PCDHGB2: variants seen among roughly 807,000 people sequenced by gnomAD.
PCDHGB2 encodes protocadherin gamma-B2.
PCDHGB2 carries 55 observed loss-of-function variants against 59.3 expected under a neutral mutation model. The observed-to-expected ratio is 0.93, with a 90% confidence interval of 0.75 to 1.16. PCDHGB2 has a LOEUF of 1.16. PCDHGB2 is among the 50% of genes most tolerant of loss of function. The pLI, the probability that PCDHGB2 is intolerant of heterozygous loss-of-function variation, is 0.00. For missense variants in PCDHGB2, 1,228 were observed against 1,198.5 expected (o/e 1.02, Z -0.36); for synonymous variants, 516 against 512.0 (o/e 1.01, Z -0.11).
rs866190808 is a variant in PCDHGB2 at position 141,376,751 on chromosome 5, A to G, written c.2421+14195A>G. On this transcript the variant is annotated intron_variant, in intron 1 of 3. Transcript: ENST00000522605. ...CCGGACTGCGGACTGCAGTGGCGCA[A>G]TCTCGGCTCACTGCAAGCTCCGCTT... The G allele has an allele frequency of 1.3e-4, 58 of 460,324 alleles. 1 individual carries two copies. Among genetic ancestry groups the G allele is most frequent in the African/African-American group, 1.1e-3 (50 of 46,164 alleles). 28.5% of individuals were successfully genotyped at this position (460,324 alleles called of 1,614,324 possible).
intron 1 of PCDHGB2, among the ~76,000 whole-genome samples, chr5:141,444,503 T>C (rs2098438734): frequency 6.6e-6 from 1 of 152,088 alleles, no homozygotes; most frequent in Non-Finnish European, 1.5e-5. Flanking sequence ...AATACTTTGC[T>C]CTAGCAGTAT....
Position 141,491,244 on chromosome 5 carries a change from T to A in PCDHGB2, c.2422-3563T>A. 1 of 1,614,210 alleles carries A rather than the reference T, an allele frequency of 6.2e-7. No individual in the cohort carries two copies. Among genetic ancestry groups the A allele is most frequent in the Non-Finnish European group, 8.5e-7 (1 of 1,180,024 alleles). On this transcript the variant is annotated intron_variant, in intron 1 of 3. Coordinates refer to ENST00000522605, the MANE Select transcript of PCDHGB2 (RefSeq NM_018923.3). This position sits in a 1 kb window ranked among gnomAD's most constrained non-coding sequence, Gnocchi z 6.9. ...CCACAGTGCTGCTGGTTCTGGAGGA[T>A]GAGGACCCTGAGGAAATGCCCAAAT...
chr5:141,438,579 CATACATACATACATATAT>C (rs1303045573), intron 1 of PCDHGB2, among the ~76,000 whole-genome samples: 21 of 55,772 alleles, frequency 3.8e-4, no homozygotes, highest in Admixed American at 1.1e-3. Context: ...GATATACATA[CATACATACATACATATAT>C]ATATATATAT....
intron 1 of PCDHGB2, among the ~76,000 whole-genome samples, chr5:141,453,393 A>G (rs2098764590): frequency 6.6e-6 from 1 of 152,018 alleles, no homozygotes; most frequent in Non-Finnish European, 1.5e-5. Flanking sequence ...CTTAGCCTCC[A>G]AGTGCTGGTA....
intron 3 of PCDHGB2, among the ~76,000 whole-genome samples, chr5:141,508,930 T>A (rs2099873149): frequency 6.6e-6 from 1 of 151,836 alleles, no homozygotes; most frequent in African/African-American, 2.4e-5. Context: ...CTTTTGGAGT[T>A]AATTAGGGAA....
At chr5:141,424,055 C>T (rs2096796946) in intron 1 of PCDHGB2, 1 of 1,007,784 alleles carries the variant, frequency 9.9e-7, no homozygotes. Flanking sequence ...TTTTGCTGTG[C>T]CTTCACTGAT....
intron 1 of PCDHGB2, chr5:141,389,722 G>T (rs141134077): frequency 1.9e-6 from 3 of 1,612,560 alleles, no homozygotes; most frequent in Non-Finnish European, 1.7e-6. Context: ...AGCGAGCCCG[G>T]GCTCTTCAGC....
intron 1 of PCDHGB2, chr5:141,416,686 T>C (rs1341005031): frequency 6.6e-6 from 1 of 152,244 alleles, no homozygotes; most frequent in African/African-American, 2.4e-5. Flanking sequence ...AGGGAAATTA[T>C]ATAAACAAAG....
chr5:141,389,121 A>T (rs754294132), intron 1 of PCDHGB2: 2 of 1,613,910 alleles, frequency 1.2e-6, no homozygotes, highest in Non-Finnish European at 1.7e-6. Flanking sequence ...CCGCGAGCAG[A>T]ATCCAGAGTA....
chr5:141,366,312 C>T (rs889893498), intron 1 of PCDHGB2: 5 of 1,613,630 alleles, frequency 3.1e-6, no homozygotes, highest in Admixed American at 3.3e-5. Flanking sequence ...TTCACGGTCA[C>T]CGTTGCCGTG....
intron 1 of PCDHGB2, chr5:141,366,371 C>G (rs780787385): frequency 6.2e-7 from 1 of 1,613,992 alleles, no homozygotes; most frequent in Non-Finnish European, 8.5e-7. Context: ...TATCAAGACC[C>G]CCATTGACCC....
intron 1 of PCDHGB2, among the ~76,000 whole-genome samples, chr5:141,436,522 C>T (rs933890051): frequency 3.9e-5 from 6 of 152,088 alleles, no homozygotes; most frequent in African/African-American, 1.4e-4. Context: ...ACTGTGTCAC[C>T]TTTAGCAAGT....
intron 2 of PCDHGB2, among the ~76,000 whole-genome samples, chr5:141,495,550 G>A (rs999176899): frequency 6.6e-6 from 1 of 151,958 alleles, no homozygotes; most frequent in Non-Finnish European, 1.5e-5. Context: ...TCTCTATCTC[G>A]CTTTGCAATC....
intron 2 of PCDHGB2, among the ~76,000 whole-genome samples, chr5:141,499,209 C>G (rs1171702973): frequency 6.6e-6 from 1 of 152,096 alleles, no homozygotes; most frequent in Admixed American, 6.5e-5. Context: ...GGCTGTAACC[C>G]AGGCCCTGCC....
chr5:141,393,620 G>T (rs1335715353), intron 1 of PCDHGB2: 1 of 1,613,908 alleles, frequency 6.2e-7, no homozygotes, highest in Non-Finnish European at 8.5e-7. Flanking sequence ...CCAGCGACCC[G>T]GATGAGGGAA....
intron 1 of PCDHGB2, among the ~76,000 whole-genome samples, chr5:141,438,340 G>A (rs1348587719): frequency 6.6e-6 from 1 of 151,522 alleles, no homozygotes; most frequent in Non-Finnish European, 1.5e-5. Flanking sequence ...TGTCATATAA[G>A]GATCTACTCT....
intron 1 of PCDHGB2, among the ~76,000 whole-genome samples, chr5:141,437,777 C>T (rs998490046): frequency 2.0e-5 from 3 of 148,970 alleles, no homozygotes; most frequent in Admixed American, 6.7e-5. Context: ...CTCAATCTGT[C>T]GCCAAGCTGG....
At chr5:141,460,010 G>A (rs376180479) in intron 1 of PCDHGB2, among the ~76,000 whole-genome samples, 1 of 152,126 alleles carries the variant, frequency 6.6e-6, no homozygotes, top group Admixed American at 6.5e-5. Context: ...CCCAGGAGGC[G>A]GAGGTTGCAG....
At chr5:141,419,184 T>A in intron 1 of PCDHGB2, 1 of 1,613,938 alleles carries the variant, frequency 6.2e-7, no homozygotes, top group Non-Finnish European at 8.5e-7. Context: ...ACCCTGCACA[T>A]TACTGACGTC....
Sources: gnomAD v4.1 joint callset for allele counts (sites outside exome capture counted in the v4.1 genomes callset) on GRCh38, gnomAD v4.1.1 for gene constraint, Gnocchi (gnomAD v3.1) non-coding constraint, MANE v1.5 for transcripts, NCBI Gene and HGNC (gene_info 2026-07-23, HGNC 2026-07-21) for gene names.